Variants in RPAP3 observed in about 807,000 individuals in gnomAD.
RPAP3 encodes RNA polymerase II-associated protein 3.
In RPAP3, 58 loss-of-function variants were observed where a neutral mutation model predicts 88.8. The observed-to-expected ratio is 0.65, with a 90% CI of 0.53 to 0.81. The LOEUF (loss-of-function observed/expected upper bound fraction) is 0.81, where lower values mean the gene tolerates loss of function less well. Ranked by LOEUF, RPAP3 falls within the 40% of genes least tolerant of loss-of-function variation. The probability of loss-of-function intolerance (pLI) is 0.00; values close to 1 mark genes in which losing one functional copy is unlikely to be tolerated. For synonymous variants in RPAP3, 255 were observed against 259.9 expected (o/e 0.98, Z 0.18); for missense variants, 751 against 764.3 (o/e 0.98, Z 0.20).
intron 16 of RPAP3, among the ~76,000 whole-genome samples, chr12:47,666,454 T>G (rs1248121654): frequency 6.6e-6 from 1 of 152,216 alleles, no homozygotes. Flanking sequence ...CTCTGACTCT[T>G]GCACTTCTTT....
chr12:47,690,784 G>C, intron 5 of RPAP3, 145 bp from the exon 6 acceptor site: 1 of 485,376 alleles, frequency 2.1e-6, no homozygotes, highest in South Asian at 4.2e-5. Flanking sequence ...AGTTAATTAA[G>C]CATAATAAAA....
intron 12 of RPAP3, among the ~76,000 whole-genome samples, chr12:47,673,584 G>C (rs1469707459): frequency 6.6e-6 from 1 of 150,718 alleles, no homozygotes; most frequent in Non-Finnish European, 1.5e-5. Context: ...TTTATAAAAA[G>C]AGGATAAAAA....
intron 1 of RPAP3, among the ~76,000 whole-genome samples, chr12:47,703,140 C>T (rs898989456): frequency 6.6e-6 from 1 of 152,228 alleles, no homozygotes; most frequent in African/African-American, 2.4e-5. Context: ...AGCAGACAGG[C>T]TGCTCATCTC....
At position 47,670,113 on chromosome 12, in the gene RPAP3, G is replaced by A. The variant is rs1310594344; in HGVS notation, c.1520C>T (p.Ser507Phe). 2 of 1,574,750 alleles carry A rather than the reference G, an allele frequency of 1.3e-6. No individual in the cohort carries two copies. Among genetic ancestry groups the A allele is most frequent in the Non-Finnish European group, 1.7e-6 (2 of 1,144,396 alleles). Residue 507 changes from serine (S) to phenylalanine (F), a missense_variant, in exon 13 of 17, where the codon TCC becomes TTC. Transcript: ENST00000005386. Reference sequence around the variant, plus strand: ...TAACAGTATTTCTACTCACTGCAGGGATGAAGTATCACTGACTTCTTCTAT... The same window carrying A: ...TAACAGTATTTCTACTCACTGCAGGAATGAAGTATCACTGACTTCTTCTAT... Reference protein sequence around the residue: ...LKIEEVSDTSSLQPQASLKQD... With the variant: ...LKIEEVSDTSFLQPQASLKQD...
chr12:47,692,820 T>G (rs1001040289), intron 5 of RPAP3, among the ~76,000 whole-genome samples: 1 of 152,212 alleles, frequency 6.6e-6, no homozygotes, highest in Admixed American at 6.5e-5. Flanking sequence ...CAATTTAAAG[T>G]AAGAGATCTG....
intron 15 of RPAP3, among the ~76,000 whole-genome samples, chr12:47,667,395 C>T (rs189693268): frequency 2.0e-5 from 3 of 152,240 alleles, no homozygotes; most frequent in African/African-American, 7.2e-5. Flanking sequence ...ATTGTCTGTA[C>T]TTGTCATTTC....
chr12:47,665,597 A>G (rs1464717324), intron 16 of RPAP3, among the ~76,000 whole-genome samples: 1 of 150,248 alleles, frequency 6.7e-6, no homozygotes, highest in Non-Finnish European at 1.5e-5. Flanking sequence ...AACCCTCGCT[A>G]TTAAAATATA....
chr12:47,703,206 T>C (rs1243710164), intron 1 of RPAP3, among the ~76,000 whole-genome samples: 1 of 152,154 alleles, frequency 6.6e-6, no homozygotes, highest in Non-Finnish European at 1.5e-5. Context: ...TAACTTCTAC[T>C]ATGTGAAAGG....
At chr12:47,686,280 C>A (rs575198980) in intron 9 of RPAP3, among the ~76,000 whole-genome samples, 1 of 152,264 alleles carries the variant, frequency 6.6e-6, no homozygotes, top group African/African-American at 2.4e-5. Flanking sequence ...TATTAATCAG[C>A]AGTTTCAATG....
chr12:47,698,488 TA>T (rs1291736969), intron 3 of RPAP3, among the ~76,000 whole-genome samples: 30 of 152,220 alleles, frequency 2.0e-4, no homozygotes, highest in Admixed American at 3.9e-4. Context: ...TTTTATATGA[TA>T]AAACAATGAT....
intron 15 of RPAP3, 73 bp from the exon 16 acceptor site, chr12:47,667,153 C>T: frequency 1.7e-6 from 1 of 572,832 alleles, no homozygotes; most frequent in Non-Finnish European, 2.8e-6. Flanking sequence ...TGTTTACTAA[C>T]ACAATACTTC....
intron 3 of RPAP3, among the ~76,000 whole-genome samples, chr12:47,698,678 T>TA (rs1939585699): frequency 6.6e-6 from 1 of 152,164 alleles, no homozygotes; most frequent in Non-Finnish European, 1.5e-5. Context: ...CATGCGCAGC[T>TA]AATTTTTTTA....
At chr12:47,705,579 T>G (rs1939773909) in intron 1 of RPAP3, among the ~76,000 whole-genome samples, 1 of 152,130 alleles carries the variant, frequency 6.6e-6, no homozygotes, top group African/African-American at 2.4e-5. Context: ...CTTCCAGCGC[T>G]GGGGGTATCA....
intron 1 of RPAP3, among the ~76,000 whole-genome samples, chr12:47,704,780 CA>C (rs1404462836): frequency 1.3e-5 from 2 of 151,822 alleles, no homozygotes; most frequent in Non-Finnish European, 2.9e-5. Flanking sequence ...GGTTGGGGGG[CA>C]GGGGGAATAG....
chr12:47,683,566 G>C (rs956701765), intron 9 of RPAP3, among the ~76,000 whole-genome samples: 1 of 152,164 alleles, frequency 6.6e-6, no homozygotes, highest in African/African-American at 2.4e-5. Context: ...AAAGTCTGAA[G>C]TTGCCACAGA....
chr12:47,682,564 G>A (rs1939243297), intron 9 of RPAP3, among the ~76,000 whole-genome samples: 1 of 151,780 alleles, frequency 6.6e-6, no homozygotes, highest in South Asian at 2.1e-4. Context: ...TAATTCGGGG[G>A]GAAAATGCTG....
rs111862039 is a variant in RPAP3 at position 47,702,958 on chromosome 12, C to G, written c.-6-112G>C. ...TTCATAAGTGGCCAAGATACATGGA[C>G]AGAAGACAGCCAACTGATGCTGAAT... On this transcript the variant is annotated intron_variant, in intron 1 of 16. Coordinates refer to ENST00000005386, the MANE Select transcript of RPAP3 (RefSeq NM_024604.3). 644 of 586,872 alleles carry G rather than the reference C, an allele frequency of 1.1e-3. 3 individuals carry two copies. The African/African-American group carries it at 0.011, about 10-fold the overall frequency. 36.4% of individuals were successfully genotyped at this position (586,872 alleles called of 1,614,324 possible).
intron 9 of RPAP3, among the ~76,000 whole-genome samples, chr12:47,686,456 C>T (rs186098522): frequency 7.9e-5 from 12 of 151,462 alleles, no homozygotes; most frequent in Admixed American, 5.3e-4. Context: ...GACTTAAAAG[C>T]GGGAAAATAT....
chr12:47,692,133 T>A (rs375010899), intron 5 of RPAP3, among the ~76,000 whole-genome samples: 1 of 151,828 alleles, frequency 6.6e-6, no homozygotes, highest in Non-Finnish European at 1.5e-5. Flanking sequence ...AGATTTAGCA[T>A]AATTCCTAAG....
Sources: gnomAD v4.1 joint callset for allele counts (sites outside exome capture counted in the v4.1 genomes callset) on GRCh38, gnomAD v4.1.1 for gene constraint, MANE v1.5 for transcripts, NCBI Gene and HGNC (gene_info 2026-07-23, HGNC 2026-07-21) for gene names.